The following TRAM2 variants were observed in gnomAD, a reference collection of about 807,000 sequenced individuals.
TRAM2 encodes translocating chain-associated membrane protein 2.
Under a neutral mutation model 51.0 loss-of-function variants are expected in TRAM2, and 12 were observed. The observed-to-expected ratio is 0.24, with a 90% CI of 0.15 to 0.38. TRAM2 has a LOEUF of 0.38. TRAM2 is among the 10% of genes least tolerant of loss of function. The pLI is 1.00. For missense variants in TRAM2, 361 were observed against 462.0 expected (o/e 0.78, Z 2.00); for synonymous variants, 175 against 179.4 (o/e 0.98, Z 0.20).
At chr6:52,505,780 C>T (rs1439106949) in intron 8 of TRAM2, 38 bp from the exon 9 acceptor site, 27 of 1,569,488 alleles carry the variant, frequency 1.7e-5, no homozygotes, top group East Asian at 2.3e-5. Context: ...CAGTCTTTAG[C>T]GCCCTTGAAG....
chr6:52,558,050 G>A (rs565023528), intron 1 of TRAM2, among the ~76,000 whole-genome samples: 1 of 152,244 alleles, frequency 6.6e-6, no homozygotes, highest in South Asian at 2.1e-4. Context: ...GTTGATTTGG[G>A]GTTTGGTGAA....
intron 1 of TRAM2, among the ~76,000 whole-genome samples, chr6:52,574,231 C>A (rs180782414): frequency 1.1e-4 from 17 of 152,144 alleles, no homozygotes; most frequent in Admixed American, 1.1e-3. Flanking sequence ...GAGGCGTCTC[C>A]CCAGGCTTTA....
rs1766182595 is a variant in TRAM2, at chr6:52,500,223, C to G, written c.*2974G>C. 6.6e-6 allele frequency: 1 copy of G among 152,184 alleles called. No homozygotes were observed. Among genetic ancestry groups the G allele is most frequent in the Non-Finnish European group, 1.5e-5 (1 of 68,048 alleles). The allele number at this position is 152,184 out of a possible 1,614,324, so 9.4% of individuals were successfully genotyped here. A position where few individuals can be genotyped will look rare whatever the true frequency, so the allele number is the denominator to read the frequency against. ...TGTCTGGCAGAGCCTTCACAAATGG[C>G]TTGGCACTTTGGGGCAGGAGAGAAT... On this transcript the variant is annotated 3_prime_UTR_variant, in exon 11 of 11. Coordinates refer to ENST00000182527, the MANE Select transcript of TRAM2 (RefSeq NM_012288.4).
At chr6:52,531,945 A>G (rs1403827871) in intron 2 of TRAM2, among the ~76,000 whole-genome samples, 1 of 152,200 alleles carries the variant, frequency 6.6e-6, no homozygotes, top group Non-Finnish European at 1.5e-5. Context: ...ATAGGCACAC[A>G]AATATTTGCC....
intron 2 of TRAM2, among the ~76,000 whole-genome samples, chr6:52,518,123 C>T (rs1031432047): frequency 2.6e-5 from 4 of 152,192 alleles, no homozygotes; most frequent in East Asian, 1.9e-4. Flanking sequence ...AGACGGGCAG[C>T]GCTCCTGAGA....
At chr6:52,547,172 G>A (rs946928094) in intron 1 of TRAM2, among the ~76,000 whole-genome samples, 1 of 152,176 alleles carries the variant, frequency 6.6e-6, no homozygotes, top group Non-Finnish European at 1.5e-5. Context: ...GGAGGTGCGG[G>A]AGAAGCTTAG....
Position 52,570,974 on chromosome 6 carries a change from T to A in TRAM2, c.120+5822A>T, listed in dbSNP as rs142036410. Among the ~76,000 whole-genome samples, 101 of 152,208 alleles carry A rather than the reference T, an allele frequency of 6.6e-4. No individual in the cohort carries two copies. In the East Asian group the frequency reaches 0.018, roughly 27 times the overall value. On this transcript the variant is annotated intron_variant, in intron 1 of 10. Transcript: ENST00000182527. ...TATGGGACATCTGAGACAGTAGAGG[T>A]ATACCAAGTCTAAGTAATAGAATGT... is the stretch of plus-strand genomic sequence containing the variant.
intron 1 of TRAM2, among the ~76,000 whole-genome samples, chr6:52,554,025 A>AAC (rs2114098694): frequency 6.6e-6 from 1 of 152,202 alleles, no homozygotes; most frequent in African/African-American, 2.4e-5. Flanking sequence ...AAGACACCCC[A>AAC]ACCTGCCAGC....
intron 1 of TRAM2, among the ~76,000 whole-genome samples, chr6:52,544,260 G>A (rs976704147): frequency 3.9e-5 from 6 of 152,106 alleles, no homozygotes; most frequent in Non-Finnish European, 8.8e-5. Flanking sequence ...GTCAACCTCC[G>A]CCTATCATTA....
chr6:52,569,643 C>T (rs763302687), intron 1 of TRAM2, among the ~76,000 whole-genome samples: 2 of 151,634 alleles, frequency 1.3e-5, no homozygotes, highest in Admixed American at 6.6e-5. Flanking sequence ...GGTTGAGGCC[C>T]AATAGTTTGA....
intron 4 of TRAM2, among the ~76,000 whole-genome samples, chr6:52,511,533 AG>A (rs776433287): frequency 2.6e-5 from 4 of 152,236 alleles, no homozygotes; most frequent in Non-Finnish European, 5.9e-5. Context: ...TGAGAACCTC[AG>A]ATGTTCACAC....
In TRAM2 at chr6:52,506,116, A is replaced by T; in HGVS notation, c.647T>A (p.Ile216Asn). The change falls in exon 8 of 11, where the codon ATC becomes AAC. Residue 216 changes from isoleucine to asparagine, a missense_variant. Coordinates refer to ENST00000182527, the MANE Select transcript of TRAM2 (RefSeq NM_012288.4). ...AGTTGAGTACTGCAGCAGCAGCAAG[A>T]TCAGGCCCAGGCGGCTCAGGCTGGG... is the stretch of plus-strand genomic sequence containing the variant. ...YLLNLSRLGL[I>N]LLLLQYSTEF... is the part of the protein sequence containing the mutation. 1 of 1,614,038 alleles carries T rather than the reference A, an allele frequency of 6.2e-7. No individual in the cohort carries two copies. Among genetic ancestry groups the T allele is most frequent in the Non-Finnish European group, 8.5e-7 (1 of 1,180,040 alleles).
At chr6:52,515,786 ACTCT>A in intron 4 of TRAM2, 1 of 521,446 alleles carries the variant, frequency 1.9e-6, no homozygotes, top group Non-Finnish European at 3.4e-6. Context: ...GGCCAAGATG[ACTCT>A]CTCCAGCTAT....
intron 2 of TRAM2, chr6:52,523,560 C>T (rs1398385891): frequency 6.6e-6 from 1 of 152,236 alleles, no homozygotes. Flanking sequence ...ACAATATATT[C>T]TTGCTAAGGC....
At chr6:52,552,501 C>G (rs894167271) in intron 1 of TRAM2, among the ~76,000 whole-genome samples, 8 of 152,182 alleles carry the variant, frequency 5.3e-5, no homozygotes, top group African/African-American at 1.9e-4. Context: ...ACAGCTCAGC[C>G]ACAAACCCGA....
At chr6:52,565,837 C>T (rs866695666) in intron 1 of TRAM2, among the ~76,000 whole-genome samples, 4 of 152,188 alleles carry the variant, frequency 2.6e-5, no homozygotes, top group African/African-American at 4.8e-5. Context: ...GAACACGCCA[C>T]GTCCCTCCCA....
intron 1 of TRAM2, among the ~76,000 whole-genome samples, chr6:52,536,346 C>T (rs948594771): frequency 5.3e-5 from 8 of 152,218 alleles, no homozygotes; most frequent in Non-Finnish European, 1.2e-4. Context: ...GCTAATTTCA[C>T]ATCTACCTTA....
intron 4 of TRAM2, among the ~76,000 whole-genome samples, chr6:52,514,802 G>A (rs1297394553): frequency 1.3e-5 from 2 of 152,220 alleles, no homozygotes; most frequent in Non-Finnish European, 2.9e-5. Context: ...TGAACTGAAC[G>A]TCAAGGGACT....
At chr6:52,542,863 A>G (rs895853490) in intron 1 of TRAM2, among the ~76,000 whole-genome samples, 1 of 152,228 alleles carries the variant, frequency 6.6e-6, no homozygotes, top group African/African-American at 2.4e-5. Context: ...GGGTTTAAAA[A>G]ATCTTTGAAG....
Sources: gnomAD v4.1 joint callset for allele counts (sites outside exome capture counted in the v4.1 genomes callset) on GRCh38, gnomAD v4.1.1 for gene constraint, MANE v1.5 for transcripts, NCBI Gene and HGNC (gene_info 2026-07-23, HGNC 2026-07-21) for gene names.